The following LMLN variants were observed in gnomAD, a reference collection of about 807,000 sequenced individuals.
LMLN encodes leishmanolysin like peptidase.
LMLN carries 70 observed loss-of-function variants against 92.3 expected under a neutral mutation model. The observed-to-expected ratio is 0.76, with a 90% CI of 0.63 to 0.92. The LOEUF is 0.92. Ranked by LOEUF, LMLN falls within the 40% of genes least tolerant of loss-of-function variation. The pLI is 0.00. For synonymous variants in LMLN, 308 were observed against 296.2 expected, an observed-to-expected ratio of 1.04 and a Z score of -0.41; for missense variants, 691 against 814.6, an observed-to-expected ratio of 0.85 and a Z score of 1.85.
At chr3:198,013,831 G>C (rs1232850142) in intron 11 of LMLN, among the ~76,000 whole-genome samples, 4 of 128,394 alleles carry the variant, frequency 3.1e-5, no homozygotes, top group Admixed American at 1.5e-4. Context: ...GGACTTCTCT[G>C]TACCCTTCAG....
intron 14 of LMLN, among the ~76,000 whole-genome samples, chr3:198,034,509 G>T (rs960607632): frequency 1.3e-5 from 2 of 152,060 alleles, no homozygotes; most frequent in African/African-American, 4.8e-5. Flanking sequence ...TACTTGGGAG[G>T]CTTAGGCACG....
chr3:198,023,429 T>A (rs754260225), intron 13 of LMLN, among the ~76,000 whole-genome samples: 2 of 152,088 alleles, frequency 1.3e-5, no homozygotes, highest in Non-Finnish European at 2.9e-5. Flanking sequence ...CCTCAAGCGG[T>A]CCTTCCTCCT....
chr3:198,021,181 T>C (rs1722771618), intron 12 of LMLN, among the ~76,000 whole-genome samples: 4 of 152,326 alleles, frequency 2.6e-5, no homozygotes, highest in Middle Eastern at 6.8e-3. Context: ...CTACATGCTG[T>C]TAAAACATTA....
At chr3:197,983,490 A>G (rs1005727589) in intron 6 of LMLN, among the ~76,000 whole-genome samples, 5 of 152,196 alleles carry the variant, frequency 3.3e-5, no homozygotes, top group African/African-American at 4.8e-5. Context: ...AGCAGGAGAA[A>G]GGGAATAGCA....
At chr3:198,005,690 A>C (rs1185887240) in intron 11 of LMLN, among the ~76,000 whole-genome samples, 1 of 146,782 alleles carries the variant, frequency 6.8e-6, no homozygotes, top group African/African-American at 2.5e-5. Context: ...GCTGGAGTGC[A>C]GTGGCGCAGT....
At chr3:198,043,555 T>C (rs1723470988) in exon 16 of LMLN, 1 of 152,650 alleles carries the variant, frequency 6.6e-6, no homozygotes, top group South Asian at 2.1e-4. Flanking sequence ...AGAGGAGTAA[T>C]ATTTTTTTAA....
exon 1 of LMLN, chr3:197,960,266 A>C: frequency 6.2e-7 from 1 of 1,613,240 alleles, no homozygotes; most frequent in Non-Finnish European, 8.5e-7. Flanking sequence ...AATGGGGCGG[A>C]GGAGTGGGTT....
intron 11 of LMLN, among the ~76,000 whole-genome samples, chr3:198,010,539 C>T (rs756452622): frequency 6.6e-6 from 1 of 152,082 alleles, no homozygotes. Context: ...CAGCCTTGAC[C>T]TCCTGGGCTC....
intron 12 of LMLN, among the ~76,000 whole-genome samples, chr3:198,020,166 T>C (rs561325481): frequency 6.6e-6 from 1 of 152,246 alleles, no homozygotes; most frequent in East Asian, 1.9e-4. Context: ...TGGCTACTTT[T>C]TGTATTTCTA....
At chr3:198,023,010 C>T (rs775922294) in intron 13 of LMLN, among the ~76,000 whole-genome samples, 4 of 152,060 alleles carry the variant, frequency 2.6e-5, no homozygotes, top group South Asian at 2.1e-4. Flanking sequence ...AGCTGGCAAA[C>T]GTTTTTTGTT....
chr3:197,995,071 C>T (rs1721981911), intron 9 of LMLN, among the ~76,000 whole-genome samples: 1 of 152,180 alleles, frequency 6.6e-6, no homozygotes, highest in South Asian at 2.1e-4. Flanking sequence ...TCACCTCTGC[C>T]ACCCCTTAGC....
chr3:198,038,161 G>A (rs1723287596), intron 15 of LMLN, among the ~76,000 whole-genome samples: 1 of 152,092 alleles, frequency 6.6e-6, no homozygotes, highest in Admixed American at 6.6e-5. Flanking sequence ...ATTATTAATA[G>A]TACTCACCCT....
intron 12 of LMLN, 32 bp from the exon 14 acceptor site, chr3:198,021,410 TCTTA>T (rs559867157): frequency 1.3e-4 from 210 of 1,599,336 alleles, no homozygotes; most frequent in Non-Finnish European, 1.8e-4. Flanking sequence ...ACAGAATGTT[TCTTA>T]CTTTCTTGTC....
In LMLN at chr3:198,038,378, A is replaced by G. The variant is rs199526379; in HGVS notation, c.1868-189A>G. The G allele has an allele frequency of 4.3e-5, 23 of 535,896 alleles. No individual in the cohort carries two copies. In the East Asian group the frequency reaches 6.8e-4, roughly 16 times the overall value. The allele number at this position is 535,896 out of a possible 1,614,324, so 33.2% of individuals were successfully genotyped here. A position where few individuals can be genotyped will look rare whatever the true frequency, so the allele number is the denominator to read the frequency against. ...TAGTGGATACATCATTTCTTCCTCCATATATATTTTTCCTCCATTAAAAAA... is the reference window on the plus strand; with the variant it reads ...TAGTGGATACATCATTTCTTCCTCCGTATATATTTTTCCTCCATTAAAAAA... On this transcript the variant is annotated intron_variant, in intron 15 of 15. Transcript: ENST00000330198.
intron 8 of LMLN, among the ~76,000 whole-genome samples, chr3:197,987,406 C>T (rs149137983): frequency 6.7e-6 from 1 of 148,804 alleles, no homozygotes; most frequent in Non-Finnish European, 1.5e-5. Flanking sequence ...TGATCCACCC[C>T]TCTCGGCCTC....
chr3:198,016,282 A>G (rs1385661780), intron 11 of LMLN, among the ~76,000 whole-genome samples: 1 of 151,866 alleles, frequency 6.6e-6, no homozygotes. Context: ...AATCACTTGT[A>G]GTTTCTACTA....
In LMLN at chr3:197,996,265, GA is replaced by G; in HGVS notation, c.1144del (p.Arg382GlyfsTer3). On this transcript the variant is annotated frameshift_variant, in exon 10 of 16. Coordinates refer to ENST00000330198, the Ensembl canonical transcript of LMLN. LOFTEE classifies it high-confidence loss of function. ...TGTGGGCACTGAGCTCAACCATTGG[GA>G]AAAAAGGTTATTAGAGGTCAGTTTG... is the stretch of plus-strand genomic sequence containing the variant. 7 of 1,592,280 alleles carry G rather than the reference GA, an allele frequency of 4.4e-6. No homozygotes were observed. Among genetic ancestry groups the G allele is most frequent in the African/African-American group, 2.7e-5 (2 of 73,650 alleles).
At chr3:198,021,332 A>C (rs1425170629) in intron 12 of LMLN, 114 bp from the exon 14 acceptor site, 3 of 818,598 alleles carry the variant, frequency 3.7e-6, no homozygotes, top group African/African-American at 1.7e-5. Flanking sequence ...AGAAAGGTAC[A>C]TTAGTATCTT....
In LMLN at chr3:198,019,885, G is replaced by A. The variant is rs560586887; in HGVS notation, c.1365+500G>A. ...ATCTTTTATCTTTTTTTCCGAGACC[G>A]AGTCTCACTCTGTCGCCCAGGCTGG... On this transcript the variant is annotated intron_variant, in intron 12 of 15. Transcript: ENST00000330198. The surrounding 1 kb of genome is among the most constrained non-coding windows in gnomAD (Gnocchi z 5.5). 4.4e-4 allele frequency among the ~76,000 whole-genome samples: 67 copies of A among 152,078 alleles called. No individual in the cohort carries two copies. Among genetic ancestry groups the A allele is most frequent in the African/African-American group, 1.6e-3 (65 of 41,504 alleles).
Sources: allele counts gnomAD v4.1 joint callset (sites outside exome capture counted in the v4.1 genomes callset), GRCh38; gene constraint gnomAD v4.1.1; non-coding constraint Gnocchi (gnomAD v3.1); transcripts MANE v1.5; gene names NCBI Gene and HGNC (gene_info 2026-07-23, HGNC 2026-07-21).